RBM38: variants seen among roughly 807,000 people sequenced by gnomAD.
RBM38 encodes the protein RNA binding motif protein 38.
A neutral mutation model predicts 23.5 loss-of-function variants in RBM38; 11 were observed. The observed-to-expected ratio is 0.47, with a 90% CI of 0.29 to 0.77. RBM38 has a LOEUF of 0.77. Ranked by LOEUF, RBM38 falls within the 30% of genes least tolerant of loss-of-function variation. RBM38 has a pLI of 0.08. For synonymous variants in RBM38, 165 were observed against 166.1 expected (o/e 0.99, Z 0.05); for missense variants, 330 against 351.9 (o/e 0.94, Z 0.50).
intron 3 of RBM38, among the ~76,000 whole-genome samples, chr20:57,397,635 C>T (rs1036764507): frequency 2.8e-4 from 42 of 152,194 alleles, no homozygotes; most frequent in African/African-American, 9.2e-4. Context: ...AGCAAGAGGA[C>T]GTACTGGGGA....
rs2067215263 is a variant in RBM38 at position 57,391,610 on chromosome 20, C to G, written c.29C>G (p.Pro10Arg). The G allele has an allele frequency of 2.1e-6, 3 of 1,411,220 alleles. No individual in the cohort carries two copies. Among genetic ancestry groups the G allele is most frequent in the Non-Finnish European group, 1.9e-6 (2 of 1,071,532 alleles). The allele number at this position is 1,411,220 out of a possible 1,614,324, so 87.4% of individuals were successfully genotyped here. A position where few individuals can be genotyped will look rare whatever the true frequency, so the allele number is the denominator to read the frequency against. ...CTGCTGCAGCCCGCGCCGTGCGCCC[C>G]GAGCGCGGGCTTCCCGCGGCCCCTG... MLLQPAPCA[P>R]SAGFPRPLAA... Residue 10 changes from proline (P) to arginine (R), a missense_variant, in exon 1 of 4, where the codon CCG (proline) becomes CGG (arginine). This residue lies in a region of RBM38 where 95 missense variants were observed against 111.9 expected (regional missense o/e 0.85). Coordinates refer to ENST00000356208, the MANE Select transcript of RBM38 (RefSeq NM_017495.6).
intron 3 of RBM38, among the ~76,000 whole-genome samples, chr20:57,394,250 A>G (rs1226147036): frequency 6.6e-6 from 1 of 151,542 alleles, no homozygotes; most frequent in Non-Finnish European, 1.5e-5. Context: ...AGAGAGACAC[A>G]GCTTGAGGAG....
intron 3 of RBM38, among the ~76,000 whole-genome samples, chr20:57,405,216 G>T (rs1377550007): frequency 6.6e-6 from 1 of 152,228 alleles, no homozygotes; most frequent in African/African-American, 2.4e-5. Flanking sequence ...TGGTTTATGG[G>T]TTGGTGCATT....
intron 3 of RBM38, among the ~76,000 whole-genome samples, chr20:57,398,348 C>T (rs1407009384): frequency 6.6e-6 from 1 of 152,108 alleles, no homozygotes; most frequent in African/African-American, 2.4e-5. Context: ...CTGTTGGCTT[C>T]TGGGGAAGAG....
chr20:57,405,002 C>T (rs2067366661), intron 3 of RBM38, among the ~76,000 whole-genome samples: 1 of 152,208 alleles, frequency 6.6e-6, no homozygotes, highest in South Asian at 2.1e-4. Flanking sequence ...AGGCTGCCGG[C>T]TGCCCTCATC....
intron 1 of RBM38, 24 bp downstream of exon 1, chr20:57,391,842 C>T (rs1026270001): frequency 1.1e-4 from 167 of 1,491,642 alleles, no homozygotes; most frequent in Non-Finnish European, 1.5e-4. Context: ...GCGCCCGGGC[C>T]CGCACCCCGC....
intron 3 of RBM38, among the ~76,000 whole-genome samples, chr20:57,395,328 T>C (rs1398768883): frequency 1.3e-5 from 2 of 151,876 alleles, no homozygotes; most frequent in Non-Finnish European, 2.9e-5. Flanking sequence ...GCTTTCTTGG[T>C]GGGGGACGGT....
intron 1 of RBM38, chr20:57,392,259 G>A (rs2067227294): frequency 2.4e-6 from 1 of 425,444 alleles, no homozygotes; most frequent in African/African-American, 2.1e-5. Context: ...AAAACGTCTT[G>A]AAGACACTTT....
At position 57,391,838 on chromosome 20, in the gene RBM38, G is replaced by T. The variant is rs775943328; in HGVS notation, c.237+20G>T. The T allele has an allele frequency of 2.0e-6, 3 of 1,516,354 alleles. No homozygotes were observed. Among genetic ancestry groups the T allele is most frequent in the African/African-American group, 2.9e-5 (2 of 69,102 alleles). 93.9% of individuals were successfully genotyped at this position (1,516,354 alleles called of 1,614,324 possible). ...GGCTTCGTAAGTGGCCCCCGCGCCC[G>T]GGCCCGCACCCCGCCGCACACCTTA... is the stretch of plus-strand genomic sequence containing the variant. On this transcript the variant is annotated intron_variant, in intron 1 of 3. Coordinates refer to ENST00000356208, the MANE Select transcript of RBM38 (RefSeq NM_017495.6).
chr20:57,400,276 T>G (rs1473732869), intron 3 of RBM38, among the ~76,000 whole-genome samples: 1 of 152,150 alleles, frequency 6.6e-6, no homozygotes, highest in Non-Finnish European at 1.5e-5. Flanking sequence ...TGCTCTTGAC[T>G]GTGTGCTGAC....
At chr20:57,405,364 C>T (rs1006479896) in intron 3 of RBM38, among the ~76,000 whole-genome samples, 5 of 152,210 alleles carry the variant, frequency 3.3e-5, no homozygotes, top group African/African-American at 7.2e-5. Flanking sequence ...CCTGGCTCCG[C>T]GCGAGGCCCT....
chr20:57,399,727 A>G (rs188962312), intron 3 of RBM38, among the ~76,000 whole-genome samples: 176 of 152,194 alleles, frequency 1.2e-3, no homozygotes, highest in African/African-American at 4.1e-3. Context: ...CCTCCCCCTC[A>G]CAAGTCACTG....
intron 3 of RBM38, among the ~76,000 whole-genome samples, chr20:57,393,835 G>A (rs2067246062): frequency 6.6e-6 from 1 of 152,166 alleles, no homozygotes; most frequent in Non-Finnish European, 1.5e-5. Context: ...CGATGTGTTT[G>A]GGGTGGAGGC....
intron 3 of RBM38, among the ~76,000 whole-genome samples, chr20:57,397,425 C>T (rs751861471): frequency 3.4e-4 from 52 of 152,226 alleles, no homozygotes; most frequent in Non-Finnish European, 7.1e-4. Flanking sequence ...ATTCAGAGCA[C>T]AAGGCCTCGA....
chr20:57,392,885 G>GCTATCATGTGCCTGCAGAGC (rs1237954325), intron 2 of RBM38, 108 bp downstream of exon 2: 1 of 1,440,200 alleles, frequency 6.9e-7, no homozygotes, highest in Non-Finnish European at 9.4e-7. Context: ...GTGGCAGTCG[G>GCTATCATGTGCCTGCAGAGC]CTATCATGTG....
chr20:57,400,578 C>T (rs2146212026), intron 3 of RBM38, among the ~76,000 whole-genome samples: 1 of 152,198 alleles, frequency 6.6e-6, no homozygotes, highest in Admixed American at 6.5e-5. Flanking sequence ...CACCCCGGAC[C>T]CCAGCTAGGT....
rs1030798403 is a variant in RBM38 at position 57,406,143 on chromosome 20, G to A, written c.417-1400G>A. On this transcript the variant is annotated intron_variant, in intron 3 of 3. Coordinates refer to ENST00000356208, the MANE Select transcript of RBM38 (RefSeq NM_017495.6). Reference sequence around the variant, plus strand: ...GCCCTGGAAGACCACTCCGTGCCTCGGACTCTGCAGCAGCTTCTGATGCCG... The same window carrying A: ...GCCCTGGAAGACCACTCCGTGCCTCAGACTCTGCAGCAGCTTCTGATGCCG... 7.9e-5 allele frequency among the ~76,000 whole-genome samples: 12 copies of A among 152,356 alleles called. No homozygotes were observed. The South Asian group carries it at 1.9e-3, about 24-fold the overall frequency.
chr20:57,402,976 C>T (rs1272094529), intron 3 of RBM38, among the ~76,000 whole-genome samples: 1 of 152,248 alleles, frequency 6.6e-6, no homozygotes, highest in Non-Finnish European at 1.5e-5. Context: ...TCAGCCTTGG[C>T]ACTGCGGACC....
intron 3 of RBM38, among the ~76,000 whole-genome samples, chr20:57,402,807 C>A (rs1485292380): frequency 6.6e-6 from 1 of 152,252 alleles, no homozygotes; most frequent in East Asian, 1.9e-4. Context: ...TTCGCCCATG[C>A]GTGCGTGGCT....
Sources: gnomAD v4.1 joint callset for allele counts (sites outside exome capture counted in the v4.1 genomes callset) on GRCh38, gnomAD v4.1.1 for gene constraint, gnomAD v4.1.1 regional missense constraint, MANE v1.5 for transcripts, NCBI Gene and HGNC (gene_info 2026-07-23, HGNC 2026-07-21) for gene names.